The following GPHN variants were observed in gnomAD, a reference collection of about 807,000 sequenced individuals.
GPHN encodes gephyrin.
GPHN carries 17 observed loss-of-function variants against 95.5 expected under a neutral mutation model. The observed-to-expected ratio is 0.18, with a 90% CI of 0.12 to 0.27. The LOEUF is 0.27. Ranked by LOEUF, GPHN falls within the 10% of genes least tolerant of loss-of-function variation. GPHN has a pLI of 1.00. For missense variants in GPHN, 660 were observed against 978.1 expected (o/e 0.67, Z 4.34); for synonymous variants, 320 against 322.5 (o/e 0.99, Z 0.08).
chr14:66,569,120 T>C (rs1055547264), intron 1 of GPHN, among the ~76,000 whole-genome samples: 1 of 152,216 alleles, frequency 6.6e-6, no homozygotes, highest in African/African-American at 2.4e-5. Context: ...TAAATACTTC[T>C]GTTTATAGTT....
chr14:66,684,910 C>T (rs898683865), intron 2 of GPHN, among the ~76,000 whole-genome samples: 1 of 152,144 alleles, frequency 6.6e-6, no homozygotes, highest in African/African-American at 2.4e-5. Flanking sequence ...CTCACCCCAC[C>T]CCACAACAGG....
the GPHN span, among the ~76,000 whole-genome samples, chr14:67,233,779 G>A: frequency 2.0e-5 from 3 of 152,172 alleles, no homozygotes; most frequent in African/African-American, 4.8e-5. Context: ...TGGGTTGAAC[G>A]TGCCATGTGA....
chr14:66,649,888 T>A (rs188168559), intron 1 of GPHN, among the ~76,000 whole-genome samples: 1 of 152,306 alleles, frequency 6.6e-6, no homozygotes, highest in Admixed American at 6.5e-5. Flanking sequence ...TTCTTTTAAT[T>A]CATGAGTGGC....
At chr14:67,158,262 G>A (rs552554858) in intron 18 of GPHN, among the ~76,000 whole-genome samples, 126 of 144,900 alleles carry the variant, frequency 8.7e-4, no homozygotes, top group Non-Finnish European at 1.6e-3. Context: ...AGCCAAGATC[G>A]CACCGTTGGA....
intron 5 of GPHN, among the ~76,000 whole-genome samples, chr14:66,903,811 G>T (rs561553096): frequency 1.3e-5 from 2 of 151,746 alleles, no homozygotes; most frequent in South Asian, 4.2e-4. Context: ...ATCTGTTGTA[G>T]GTATTTGCAT....
intron 9 of GPHN, among the ~76,000 whole-genome samples, chr14:66,970,101 T>G (rs1412700758): frequency 1.3e-5 from 2 of 151,262 alleles, no homozygotes; most frequent in Non-Finnish European, 2.9e-5. Context: ...TTTTTTTTTT[T>G]TTGCTCTTAG....
the GPHN span, among the ~76,000 whole-genome samples, chr14:67,557,678 G>A: frequency 2.6e-5 from 4 of 152,358 alleles, no homozygotes; most frequent in South Asian, 4.1e-4. Flanking sequence ...TCTAGCACCT[G>A]CTGCCTCTGA....
At chr14:66,951,349 T>C (rs1217462140) in intron 8 of GPHN, among the ~76,000 whole-genome samples, 1 of 151,814 alleles carries the variant, frequency 6.6e-6, no homozygotes, top group Non-Finnish European at 1.5e-5. Flanking sequence ...AAACCCCGTC[T>C]CTACTAAAAT....
intron 3 of GPHN, among the ~76,000 whole-genome samples, chr14:66,811,183 T>A (rs2060745184): frequency 6.6e-6 from 1 of 152,166 alleles, no homozygotes; most frequent in Non-Finnish European, 1.5e-5. Context: ...AAAAACTACC[T>A]GTTGGGTACT....
chr14:66,695,921 A>G (rs557926805), intron 2 of GPHN, among the ~76,000 whole-genome samples: 1 of 152,348 alleles, frequency 6.6e-6, no homozygotes, highest in Non-Finnish European at 1.5e-5. Context: ...GAATGATACT[A>G]CAATGAAGGA....
intron 3 of GPHN, among the ~76,000 whole-genome samples, chr14:66,795,052 G>T (rs535358625): frequency 6.6e-6 from 1 of 152,056 alleles, no homozygotes; most frequent in East Asian, 1.9e-4. Context: ...TCCAGCCTGG[G>T]CATCATAGTG....
chr14:67,103,123 A>C (rs564967898), intron 13 of GPHN, among the ~76,000 whole-genome samples: 1 of 152,246 alleles, frequency 6.6e-6, no homozygotes, highest in East Asian at 1.9e-4. Flanking sequence ...TCTGTTGCCC[A>C]GCATGATCTC....
chr14:67,271,044 A>AT, the GPHN span: 1 of 152,196 alleles, frequency 6.6e-6, no homozygotes, highest in Admixed American at 6.5e-5. Flanking sequence ...TCTTGGATTC[A>AT]TTTTTTGAGT....
chr14:67,319,610 TAAA>T, the GPHN span, among the ~76,000 whole-genome samples: 31 of 128,600 alleles, frequency 2.4e-4, no homozygotes, highest in Non-Finnish European at 2.8e-4. Context: ...GCTGATGAGC[TAAA>T]AAAAAAAAAA....
rs1213502905 is a variant in GPHN, at chr14:66,729,873, A to G, written c.144-46591A>G. On this transcript the variant is annotated intron_variant, in intron 2 of 22. Transcript: ENST00000478722. ...TCCCATTTTTTGTGTGGAACCATGG[A>G]TACTGGTAGAAAATTTTTTCAGTTA... 2.0e-5 allele frequency among the ~76,000 whole-genome samples: 3 copies of G among 152,188 alleles called. No individual in the cohort carries two copies. In the East Asian group the frequency reaches 5.8e-4, roughly 29 times the overall value.
intron 1 of GPHN, among the ~76,000 whole-genome samples, chr14:66,534,398 G>A (rs551616139): frequency 3.7e-4 from 57 of 152,034 alleles, no homozygotes; most frequent in African/African-American, 1.2e-3. Flanking sequence ...GACTTCTTTC[G>A]TTTATTATGG....
At chr14:67,574,517 A>C in the GPHN span, 1 of 841,728 alleles carries the variant, frequency 1.2e-6, no homozygotes. This position sits in a 1 kb window ranked among gnomAD's most constrained non-coding sequence, Gnocchi z 4.2. Flanking sequence ...TTTCTCTGGG[A>C]GCCTCCTCAC....
At chr14:66,767,294 T>G (rs2058997222) in intron 2 of GPHN, among the ~76,000 whole-genome samples, 1 of 151,908 alleles carries the variant, frequency 6.6e-6, no homozygotes. Flanking sequence ...GTCCTTCCCC[T>G]GAATTTCTTT....
chr14:67,142,810 G>C (rs1299232023), intron 17 of GPHN, among the ~76,000 whole-genome samples: 1 of 152,160 alleles, frequency 6.6e-6, no homozygotes, highest in East Asian at 1.9e-4. Context: ...CAGTGACCTA[G>C]AAACAGCACA....
Sources: gnomAD v4.1 joint callset for allele counts (sites outside exome capture counted in the v4.1 genomes callset) on GRCh38, gnomAD v4.1.1 for gene constraint, Gnocchi (gnomAD v3.1) non-coding constraint, MANE v1.5 for transcripts, NCBI Gene and HGNC (gene_info 2026-07-23, HGNC 2026-07-21) for gene names.